Variants in PANK4 observed in about 807,000 individuals in gnomAD.
The protein encoded by PANK4 is pantothenate kinase 4 (inactive).
Under a neutral mutation model 87.9 loss-of-function variants are expected in PANK4, and 40 were observed. The ratio of observed to expected loss-of-function variants is 0.46; its 90% CI spans 0.35 to 0.59. The LOEUF (loss-of-function observed/expected upper bound fraction) is 0.59, where lower values mean the gene tolerates loss of function less well. Among genes scored for constraint, PANK4 ranks in the 20% least tolerant of loss-of-function variants. PANK4 has a pLI of 0.00. For missense variants in PANK4, 926 were observed against 1,072.3 expected (o/e 0.86, Z 1.90); for synonymous variants, 524 against 467.4 (o/e 1.12, Z -1.56).
At chr1:2,517,734 C>T (rs919537431) in intron 9 of PANK4, among the ~76,000 whole-genome samples, 5 of 152,250 alleles carry the variant, frequency 3.3e-5, no homozygotes, top group African/African-American at 1.2e-4. Flanking sequence ...AGACTGTAAC[C>T]GACAGACCAT....
Position 2,520,330 on chromosome 1 carries a change from T to C in PANK4, c.691A>G (p.Lys231Glu), listed in dbSNP as rs747755129. The part of the protein sequence containing the change: ...TFWGLGALLT[K>E]TKKFDELLHL... Reference sequence around the variant, plus strand: ...TGGCAGCTGCCGCATACCTTCGTTTTGGTGAGCAGAGCGCCAAGCCCCCAG... The same window carrying C: ...TGGCAGCTGCCGCATACCTTCGTTTCGGTGAGCAGAGCGCCAAGCCCCCAG... Residue 231 changes from lysine (K) to glutamate (E), a missense_variant, in exon 5 of 19, where the codon AAA becomes GAA. Lys to Glu is a moderately conservative substitution (Grantham distance 56). Transcript: ENST00000378466. The surrounding 1 kb of genome is among the most constrained non-coding windows in gnomAD (Gnocchi z 6.2). 6.2e-7 allele frequency: 1 copy of C among 1,612,830 alleles called. No homozygotes were observed. The highest frequency in any genetic ancestry group is 8.5e-7 in the Non-Finnish European group (1 of 1,179,870).
rs370910590 is a variant in PANK4 at position 2,518,326 on chromosome 1, T to C, written c.1118-62A>G. ...TGCCCTTGATTCAAAAGCAGGAGAG[T>C]GGAGGAGGAAAGGGTATAAAATCGC... is the stretch of plus-strand genomic sequence containing the variant. On this transcript the variant is annotated intron_variant, in intron 8 of 18. Transcript: ENST00000378466. 21 of 1,210,418 alleles carry C rather than the reference T, an allele frequency of 1.7e-5. No individual in the cohort carries two copies. The African/African-American group carries it at 2.2e-4, about 13-fold the overall frequency. 75.0% of individuals were successfully genotyped at this position (1,210,418 alleles called of 1,614,324 possible).
Position 2,518,596 on chromosome 1 carries a change from C to T in PANK4, c.1037G>A (p.Gly346Glu). The T allele has an allele frequency of 6.4e-7, 1 of 1,565,688 alleles. No homozygotes were observed. Among genetic ancestry groups the T allele is most frequent in the Non-Finnish European group, 8.7e-7 (1 of 1,155,096 alleles). The change falls in exon 8 of 19, where the codon GGG (glycine) becomes GAG (glutamate). Residue 346 changes from glycine to glutamate, a missense_variant and splice_region_variant. Gly to Glu is a moderately conservative substitution (Grantham distance 98). Transcript: ENST00000378466. ...CCTCAGAAACAGCGCCTGCACTTCCCCCTGCCGTGGCCAAAGCACACGTGC... is the reference window on the plus strand; with the variant it reads ...CCTCAGAAACAGCGCCTGCACTTCCTCCTGCCGTGGCCAAAGCACACGTGC... Reference protein sequence around the residue: ...ITYSINFFSKGEVQALFLRHE... With the variant: ...ITYSINFFSKEEVQALFLRHE...
In PANK4 at chr1:2,519,943, C is replaced by T. The variant is rs756549662; in HGVS notation, c.711G>A (p.Glu237=). 1.3e-6 allele frequency: 2 copies of T among 1,559,168 alleles called. No individual in the cohort carries two copies. Among genetic ancestry groups the T allele is most frequent in the African/African-American group, 1.4e-5 (1 of 73,924 alleles). ...ALLTKTKKFD[E]LLHLASRGQH... is the part of the protein sequence containing the mutation. ...GGCCCCTCGAGGCCAGGTGCAGGAGCTCGTCAAACTTCTGCAGGACACGGC... is the reference window on the plus strand; with the variant it reads ...GGCCCCTCGAGGCCAGGTGCAGGAGTTCGTCAAACTTCTGCAGGACACGGC... Residue 237 remains glutamate (E), a synonymous_variant, in exon 6 of 19, where the codon GAG becomes GAA. Coordinates refer to ENST00000378466, the MANE Select transcript of PANK4 (RefSeq NM_018216.4). The surrounding 1 kb of genome is among the most constrained non-coding windows in gnomAD (Gnocchi z 8.3).
chr1:2,512,839 A>T (rs1364420824), intron 13 of PANK4, 49 bp downstream of exon 13: 1 of 1,591,406 alleles, frequency 6.3e-7, no homozygotes, highest in African/African-American at 1.3e-5. Context: ...CTGGGGCAGG[A>T]CAGGCACCCA....
Position 2,510,483 on chromosome 1 carries a change from A to G in PANK4, c.1938+195T>C, listed in dbSNP as rs1643642477. 1.6e-6 allele frequency: 1 copy of G among 606,350 alleles called. No homozygotes were observed. The highest frequency in any genetic ancestry group is 1.9e-5 in the African/African-American group (1 of 53,816). The allele number at this position is 606,350 out of a possible 1,614,324, so 37.6% of individuals were successfully genotyped here. The stretch of plus-strand genomic sequence containing the variant: ...CCTGGGCTTCAGCACATGGACCCTC[A>G]GCCTGAGCCCAGGGGGCTCGGAGCC... On this transcript the variant is annotated intron_variant, in intron 16 of 18. Coordinates refer to ENST00000378466, the MANE Select transcript of PANK4 (RefSeq NM_018216.4). The surrounding 1 kb of genome is among the most constrained non-coding windows in gnomAD (Gnocchi z 4.9).
At position 2,510,468 on chromosome 1, in the gene PANK4, A is replaced by T; in HGVS notation, c.1938+210T>A. ...GAGCCTGGCGTCAACCCTGGGCTTCAGCACATGGACCCTCAGCCTGAGCCC... is the reference window on the plus strand; with the variant it reads ...GAGCCTGGCGTCAACCCTGGGCTTCTGCACATGGACCCTCAGCCTGAGCCC... On this transcript the variant is annotated intron_variant, in intron 16 of 18. Transcript: ENST00000378466. The surrounding 1 kb of genome is among the most constrained non-coding windows in gnomAD (Gnocchi z 4.9). 1.7e-6 allele frequency: 1 copy of T among 600,214 alleles called. No homozygotes were observed. Among genetic ancestry groups the T allele is most frequent in the East Asian group, 2.8e-5 (1 of 36,160 alleles). The allele number at this position is 600,214 out of a possible 1,614,324, so 37.2% of individuals were successfully genotyped here.
rs1408953111 is a variant in PANK4 at position 2,520,570 on chromosome 1, C to T, written c.606+153G>A. Among the ~76,000 whole-genome samples the T allele has an allele frequency of 6.6e-6, 1 of 151,678 alleles. No individual in the cohort carries two copies. The highest frequency in any genetic ancestry group is 1.9e-4 in the East Asian group (1 of 5,138). On this transcript the variant is annotated intron_variant, in intron 4 of 18. Coordinates refer to ENST00000378466, the MANE Select transcript of PANK4 (RefSeq NM_018216.4). This position sits in a 1 kb window ranked among gnomAD's most constrained non-coding sequence, Gnocchi z 6.2. Reference sequence around the variant, plus strand: ...GGCCAAGCCTGGGGGCGCTGATGCCCCTCCCACAGAGGCTCTGAGCTCACA... The same window carrying T: ...GGCCAAGCCTGGGGGCGCTGATGCCTCTCCCACAGAGGCTCTGAGCTCACA...
chr1:2,520,611 T>G lies in PANK4; in HGVS notation c.606+112A>C. 1 of 811,984 alleles carries G rather than the reference T, an allele frequency of 1.2e-6. No individual in the cohort carries two copies. Among genetic ancestry groups the G allele is most frequent in the Non-Finnish European group, 1.8e-6 (1 of 550,250 alleles). The allele number at this position is 811,984 out of a possible 1,614,324, so 50.3% of individuals were successfully genotyped here. A position where few individuals can be genotyped will look rare whatever the true frequency, so the allele number is the denominator to read the frequency against. On this transcript the variant is annotated intron_variant, in intron 4 of 18. Transcript: ENST00000378466. This position sits in a 1 kb window ranked among gnomAD's most constrained non-coding sequence, Gnocchi z 6.2. ...TGAGCTCACAGCCTCGCCACCCCCC[T>G]CCCGCCCACTGGGCCCCATCCATGT...
intron 1 of PANK4, among the ~76,000 whole-genome samples, chr1:2,522,697 C>G (rs74457642): frequency 1.6e-4 from 1 of 6,142 alleles, no homozygotes; most frequent in South Asian, 4.5e-3. Context: ...CGCGGTGCTA[C>G]AGTGACTTAA....
intron 9 of PANK4, chr1:2,516,021 C>A (rs1643767547): frequency 2.1e-6 from 1 of 485,238 alleles, no homozygotes; most frequent in Non-Finnish European, 3.7e-6. Context: ...ACCCTCCCAT[C>A]ACCCCTCCTC....
chr1:2,511,779 A>G, intron 13 of PANK4, 96 bp from the exon 14 acceptor site: 1 of 753,982 alleles, frequency 1.3e-6, no homozygotes. Context: ...CCCAGGCGGG[A>G]CAGAGGCAGC....
In PANK4 at chr1:2,508,629, T is replaced by TATATAG. The variant is rs1553121413; in HGVS notation, c.*217_*218insCTATAT. ...CTCTCTATTTATATATATATATATATAAAAGGTTCTTTAGCAGTTAAATAG... is the reference window on the plus strand; with the variant it reads ...CTCTCTATTTATATATATATATATATATATAGAAAAGGTTCTTTAGCAGTTAAATAG... On this transcript the variant is annotated 3_prime_UTR_variant, in exon 19 of 19. Transcript: ENST00000378466. This position sits in a 1 kb window ranked among gnomAD's most constrained non-coding sequence, Gnocchi z 5.1. The TATATAG allele has an allele frequency of 3.0e-6, 1 of 337,718 alleles. No individual in the cohort carries two copies. The highest frequency in any genetic ancestry group is 2.2e-5 in the African/African-American group (1 of 46,220). The allele number at this position is 337,718 out of a possible 1,614,324, so 20.9% of individuals were successfully genotyped here.
rs1342332073 is a variant in PANK4, at chr1:2,515,065, C to T, written c.1374+497G>A. Among the ~76,000 whole-genome samples, 1 of 152,164 alleles carries T rather than the reference C, an allele frequency of 6.6e-6. No individual in the cohort carries two copies. The highest frequency in any genetic ancestry group is 1.5e-5 in the Non-Finnish European group (1 of 68,026). ...AAGAGTGCGTGTTGCTACCGGGGCT[C>T]CCTGGCCCCGAGCTGAGCTCCTGAG... On this transcript the variant is annotated intron_variant, in intron 10 of 18. Coordinates refer to ENST00000378466, the MANE Select transcript of PANK4 (RefSeq NM_018216.4). This position sits in a 1 kb window ranked among gnomAD's most constrained non-coding sequence, Gnocchi z 5.0.
chr1:2,515,384 C>T lies in PANK4; in HGVS notation c.1374+178G>A, dbSNP rs1349835092. On this transcript the variant is annotated intron_variant, in intron 10 of 18. Transcript: ENST00000378466. This position sits in a 1 kb window ranked among gnomAD's most constrained non-coding sequence, Gnocchi z 5.0. ...CGTCCTCACTGACCCACCAGGTGGC[C>T]AGGAGCGGTATTTTTGCCTGAGAAA... is the stretch of plus-strand genomic sequence containing the variant. 4.1e-6 allele frequency: 3 copies of T among 724,592 alleles called. No homozygotes were observed. The East Asian group carries it at 8.0e-5, about 19-fold the overall frequency. The allele number at this position is 724,592 out of a possible 1,614,324, so 44.9% of individuals were successfully genotyped here. A position where few individuals can be genotyped will look rare whatever the true frequency, so the allele number is the denominator to read the frequency against.
At chr1:2,518,740 G>C in intron 7 of PANK4, 143 bp from the exon 8 acceptor site, 2 of 700,592 alleles carry the variant, frequency 2.9e-6, no homozygotes, top group South Asian at 3.2e-5. Flanking sequence ...ATACTTGCCA[G>C]TGGAATCGCG....
chr1:2,510,802 C>T lies in PANK4; in HGVS notation c.1834-20G>A, dbSNP rs371950081. The T allele has an allele frequency of 3.1e-5, 45 of 1,444,288 alleles. No homozygotes were observed. Among genetic ancestry groups the T allele is most frequent in the Non-Finnish European group, 3.5e-5 (36 of 1,026,044 alleles). The allele number at this position is 1,444,288 out of a possible 1,614,324, so 89.5% of individuals were successfully genotyped here. ...GGGCCCCTGTAAGACAAAACCAGGACGTTCAGTTGGGAACAGGCGCATCCA... is the reference window on the plus strand; with the variant it reads ...GGGCCCCTGTAAGACAAAACCAGGATGTTCAGTTGGGAACAGGCGCATCCA... On this transcript the variant is annotated intron_variant, in intron 15 of 18. Coordinates refer to ENST00000378466, the MANE Select transcript of PANK4 (RefSeq NM_018216.4). This position sits in a 1 kb window ranked among gnomAD's most constrained non-coding sequence, Gnocchi z 4.9.
At chr1:2,514,248 C>A (rs1463983863) in intron 11 of PANK4, 106 bp downstream of exon 11, 2 of 1,136,222 alleles carry the variant, frequency 1.8e-6, no homozygotes, top group African/African-American at 1.5e-5. Context: ...CCACACCCAC[C>A]CCCAGCGAGC....
rs899271776 is a variant in PANK4 at position 2,519,739 on chromosome 1, T to C, written c.853+62A>G. 6.8e-7 allele frequency: 1 copy of C among 1,463,188 alleles called. No individual in the cohort carries two copies. Among genetic ancestry groups the C allele is most frequent in the Non-Finnish European group, 9.1e-7 (1 of 1,096,774 alleles). 90.6% of individuals were successfully genotyped at this position (1,463,188 alleles called of 1,614,324 possible). A position where few individuals can be genotyped will look rare whatever the true frequency, so the allele number is the denominator to read the frequency against. ...AAAGCAATGGTGGGGGAAGCTCCTGTCCGTGAGACCCCAAGTGTCCCCACC... is the reference window on the plus strand; with the variant it reads ...AAAGCAATGGTGGGGGAAGCTCCTGCCCGTGAGACCCCAAGTGTCCCCACC... On this transcript the variant is annotated intron_variant, in intron 6 of 18. Transcript: ENST00000378466. The surrounding 1 kb of genome is among the most constrained non-coding windows in gnomAD (Gnocchi z 8.3).
Sources: gnomAD v4.1 joint callset for allele counts (sites outside exome capture counted in the v4.1 genomes callset) on GRCh38, gnomAD v4.1.1 for gene constraint, Gnocchi (gnomAD v3.1) non-coding constraint, MANE v1.5 for transcripts, NCBI Gene and HGNC (gene_info 2026-07-23, HGNC 2026-07-21) for gene names.